The following ERICH6 variants were observed in gnomAD, a reference collection of about 807,000 sequenced individuals.
ERICH6 encodes glutamate-rich protein 6.
In ERICH6, 71 loss-of-function variants were observed where a neutral mutation model predicts 71.0. That is an observed-to-expected ratio of 1.00 (90% CI 0.83 to 1.22). The LOEUF is 1.22. ERICH6 is among the 50% of genes most tolerant of loss of function. ERICH6 has a pLI of 0.00. For synonymous variants in ERICH6, 262 were observed against 278.4 expected (o/e 0.94, Z 0.59); for missense variants, 808 against 797.2 (o/e 1.01, Z -0.16).
In ERICH6 at chr3:150,678,545, C is replaced by A; in HGVS notation, c.1121G>T (p.Arg374Leu). 1.3e-6 allele frequency: 2 copies of A among 1,593,308 alleles called. No homozygotes were observed. The highest frequency in any genetic ancestry group is 1.7e-6 in the Non-Finnish European group (2 of 1,174,454). ...QTHFSEDDSKRLKTISYQLSV... is the reference protein window; with the variant it reads ...QTHFSEDDSKLLKTISYQLSV... ...AAGTTGATAAGAAATTGTTTTTAAGCGCTTTGAATCTAGTGGGAAAAGAAT... is the reference window on the plus strand; with the variant it reads ...AAGTTGATAAGAAATTGTTTTTAAGAGCTTTGAATCTAGTGGGAAAAGAAT... Residue 374 changes from arginine to leucine, a missense_variant, in exon 10 of 14, where the codon CGC becomes CTC. Coordinates refer to ENST00000295910, the MANE Select transcript of ERICH6 (RefSeq NM_152394.5).
intron 11 of ERICH6, 64 bp from the exon 12 acceptor site, chr3:150,669,515 A>C: frequency 6.5e-7 from 1 of 1,543,594 alleles, no homozygotes; most frequent in Non-Finnish European, 8.8e-7. Flanking sequence ...GAACAAATTC[A>C]ATTTATGAGA....
At chr3:150,684,195 G>A (rs1289271649) in intron 6 of ERICH6, among the ~76,000 whole-genome samples, 5 of 151,966 alleles carry the variant, frequency 3.3e-5, no homozygotes, top group Non-Finnish European at 7.4e-5. Context: ...AGCCCACCCT[G>A]GGCAATATAG....
rs1284815696 is a variant in ERICH6, at chr3:150,680,941, C to T, written c.883-11G>A. 1 of 1,602,020 alleles carries T rather than the reference C, an allele frequency of 6.2e-7. No individual in the cohort carries two copies. Among genetic ancestry groups the T allele is most frequent in the East Asian group, 2.2e-5 (1 of 44,838 alleles). ...AATACAACAGGAGGCCTGGAAAACA[C>T]AGAAGTTACTCTCATCTCATTAGTC... is the stretch of plus-strand genomic sequence containing the variant. On this transcript the variant is annotated splice_polypyrimidine_tract_variant and intron_variant, in intron 7 of 13. Coordinates refer to ENST00000295910, the MANE Select transcript of ERICH6 (RefSeq NM_152394.5).
chr3:150,673,392 C>A (rs139299725), intron 11 of ERICH6, among the ~76,000 whole-genome samples: 2 of 152,082 alleles, frequency 1.3e-5, no homozygotes, highest in South Asian at 2.1e-4. Flanking sequence ...TCTCACTATG[C>A]TGCTCAGGCT....
At chr3:150,674,132 G>T in intron 10 of ERICH6, 91 bp from the exon 11 acceptor site, 1 of 985,484 alleles carries the variant, frequency 1.0e-6, no homozygotes, top group South Asian at 1.5e-5. Context: ...TTACTAGACA[G>T]TCATACAAAT....
At chr3:150,664,807 T>A (rs1727348598) in intron 13 of ERICH6, among the ~76,000 whole-genome samples, 1 of 139,416 alleles carries the variant, frequency 7.2e-6, no homozygotes, top group Non-Finnish European at 1.5e-5. Flanking sequence ...TCTGTATTGT[T>A]TGAATCTTTA....
chr3:150,678,534 T>C lies in ERICH6; in HGVS notation c.1132A>G (p.Ile378Val). ...ATATCCACAGAAAGTTGATAAGAAA[T>C]TGTTTTTAAGCGCTTTGAATCTAGT... ...SEDDSKRLKT[I>V]SYQLSVDIPE... Residue 378 changes from isoleucine to valine, a missense_variant, in exon 10 of 14, where the codon ATT becomes GTT. Transcript: ENST00000295910. The C allele has an allele frequency of 6.2e-7, 1 of 1,600,436 alleles. No individual in the cohort carries two copies. The highest frequency in any genetic ancestry group is 8.5e-7 in the Non-Finnish European group (1 of 1,176,708).
chr3:150,663,509 C>T (rs1727294192), intron 13 of ERICH6, among the ~76,000 whole-genome samples: 1 of 151,944 alleles, frequency 6.6e-6, no homozygotes, highest in Non-Finnish European at 1.5e-5. Context: ...GGCTGGAGTG[C>T]AGCAGCACAA....
At chr3:150,676,485 T>G (rs527583082) in intron 10 of ERICH6, among the ~76,000 whole-genome samples, 38 of 152,308 alleles carry the variant, frequency 2.5e-4, no homozygotes, top group African/African-American at 8.9e-4. Flanking sequence ...TAAGTTTTCT[T>G]GTGTTCTTGG....
chr3:150,703,354 A>G lies in ERICH6; in HGVS notation c.403+142T>C, dbSNP rs1017477022. 8 of 1,408,444 alleles carry G rather than the reference A, an allele frequency of 5.7e-6. No individual in the cohort carries two copies. In the African/African-American group the frequency reaches 1.2e-4, roughly 20 times the overall value. 87.2% of individuals were successfully genotyped at this position (1,408,444 alleles called of 1,614,324 possible). ...AGTGTCTCTGACAAGGGCGTGAGAG[A>G]GATTAGGTGTGTGGAATGGTGCATG... On this transcript the variant is annotated intron_variant, in intron 1 of 13. Transcript: ENST00000295910.
intron 11 of ERICH6, among the ~76,000 whole-genome samples, chr3:150,670,082 C>T (rs1711497768): frequency 6.6e-6 from 1 of 151,870 alleles, no homozygotes. Flanking sequence ...TTAAAAAAAC[C>T]CACAATTAAA....
Position 150,703,808 on chromosome 3 carries a change from C to CCTCCTCCTCCACCTCTTCCT in ERICH6, c.90_91insAGGAAGAGGTGGAGGAGGAG (p.Glu31ArgfsTer75). ...TCCTCCTCCTCCTCCACCTCTTCCT[C>CCTCCTCCTCCACCTCTTCCT]CTCCTCCTCCTCCTCTAACTCCTCC... On this transcript the variant is annotated frameshift_variant, in exon 1 of 14. Coordinates refer to ENST00000295910, the MANE Select transcript of ERICH6 (RefSeq NM_152394.5). LOFTEE classifies it high-confidence loss of function. 6.2e-7 allele frequency: 1 copy of CCTCCTCCTCCACCTCTTCCT among 1,613,212 alleles called. No individual in the cohort carries two copies. The highest frequency in any genetic ancestry group is 1.1e-5 in the South Asian group (1 of 90,974).
chr3:150,698,229 G>A (rs1712725288), intron 3 of ERICH6, among the ~76,000 whole-genome samples: 1 of 152,006 alleles, frequency 6.6e-6, no homozygotes, highest in Non-Finnish European at 1.5e-5. Flanking sequence ...ACTGAGACAG[G>A]GGATTTGCTT....
intron 10 of ERICH6, 38 bp from the exon 11 acceptor site, chr3:150,674,079 C>T (rs374012130): frequency 2.3e-5 from 36 of 1,568,282 alleles, no homozygotes; most frequent in African/African-American, 1.1e-4. Context: ...TTAATTGTTT[C>T]GGACATAAAG....
At position 150,660,084 on chromosome 3, in the gene ERICH6, T is replaced by G. The variant is rs752675931; in HGVS notation, c.1800A>C (p.Leu600Phe). The G allele has an allele frequency of 1.0e-4, 163 of 1,613,924 alleles. No individual in the cohort carries two copies. Among genetic ancestry groups the G allele is most frequent in the Non-Finnish European group, 1.3e-4 (157 of 1,180,020 alleles). The change falls in exon 14 of 14, where the codon TTA becomes TTC. Residue 600 changes from leucine (L) to phenylalanine (F), a missense_variant. Physicochemically the swap from Leu to Phe is conservative, Grantham distance 22. This residue lies in a region of ERICH6 where 736 missense variants were observed against 712.2 expected (regional missense o/e 1.03). Coordinates refer to ENST00000295910, the MANE Select transcript of ERICH6 (RefSeq NM_152394.5). ...TATGAAACAGGCGACGGATCTTTAT[T>G]AAACTGGCCAGCAGAAGAAGGTCAT... ...SGDDLLLLAS[L>F]IKIRRLFHKL...
chr3:150,664,646 G>GAAA (rs377754632), intron 13 of ERICH6, among the ~76,000 whole-genome samples: 2 of 136,910 alleles, frequency 1.5e-5, no homozygotes, highest in Non-Finnish European at 3.2e-5. Context: ...GACTCCATCT[G>GAAA]AAAAAAAAAA....
intron 3 of ERICH6, among the ~76,000 whole-genome samples, chr3:150,696,612 A>G (rs1038603780): frequency 2.0e-5 from 3 of 152,194 alleles, no homozygotes; most frequent in African/African-American, 7.2e-5. Flanking sequence ...AAAAATGGGA[A>G]AAAGATATGA....
intron 5 of ERICH6, 42 bp from the exon 6 acceptor site, chr3:150,685,900 G>T (rs1712164333): frequency 6.2e-7 from 1 of 1,606,866 alleles, no homozygotes; most frequent in East Asian, 2.2e-5. Flanking sequence ...GGAAATAATT[G>T]AAGATTTGAT....
chr3:150,660,191 T>A, intron 13 of ERICH6, 36 bp from the exon 14 acceptor site: 1 of 1,597,798 alleles, frequency 6.3e-7, no homozygotes, highest in Non-Finnish European at 8.5e-7. Context: ...AAACTCAGAG[T>A]CCAGAAGTGG....
Sources: gnomAD v4.1 joint callset for allele counts (sites outside exome capture counted in the v4.1 genomes callset) on GRCh38, gnomAD v4.1.1 for gene constraint, gnomAD v4.1.1 regional missense constraint, MANE v1.5 for transcripts, NCBI Gene and HGNC (gene_info 2026-07-23, HGNC 2026-07-21) for gene names.